Variants in MAF observed in about 807,000 individuals in gnomAD.
MAF encodes the protein transcription factor Maf.
MAF carries 10 observed loss-of-function variants against 22.0 expected under a neutral mutation model. The observed-to-expected ratio is 0.45, with a 90% CI of 0.28 to 0.77. The LOEUF (loss-of-function observed/expected upper bound fraction) is 0.77. MAF is among the 30% of genes least tolerant of loss of function. MAF has a pLI of 0.12. For missense variants in MAF, 544 were observed against 548.4 expected, an observed-to-expected ratio of 0.99 and a Z score of 0.08; for synonymous variants, 337 against 255.8, an observed-to-expected ratio of 1.32 and a Z score of -3.03.
the MAF span, among the ~76,000 whole-genome samples, chr16:79,564,006 C>G: frequency 7.9e-5 from 12 of 152,220 alleles, no homozygotes; most frequent in Admixed American, 6.5e-5. Flanking sequence ...GTTCATAATT[C>G]CACGTATTTC....
chr16:79,436,106 A>T, the MAF span, among the ~76,000 whole-genome samples: 1 of 152,232 alleles, frequency 6.6e-6, no homozygotes, highest in Non-Finnish European at 1.5e-5. Flanking sequence ...TATTTGAAAC[A>T]GAGTCTAGCT....
At chr16:79,221,782 T>C in the MAF span, among the ~76,000 whole-genome samples, 3 of 152,284 alleles carry the variant, frequency 2.0e-5, no homozygotes, top group African/African-American at 7.2e-5. Context: ...CATGTATGTG[T>C]AGATATCAGG....
the MAF span, among the ~76,000 whole-genome samples, chr16:79,420,736 A>G: frequency 8.5e-5 from 13 of 152,204 alleles, no homozygotes; most frequent in African/African-American, 3.1e-4. Flanking sequence ...GCAGTACAAT[A>G]AGATATTTTG....
the MAF span, among the ~76,000 whole-genome samples, chr16:79,238,499 A>G: frequency 1.3e-5 from 2 of 152,042 alleles, no homozygotes; most frequent in Admixed American, 6.6e-5. Context: ...CCTTGTGCCA[A>G]AACATAACAC....
At chr16:79,566,045 G>T in the MAF span, among the ~76,000 whole-genome samples, 1 of 152,150 alleles carries the variant, frequency 6.6e-6, no homozygotes, top group Non-Finnish European at 1.5e-5. Context: ...TGGCTCTTAG[G>T]TCTAGGTTTG....
chr16:79,470,394 C>T, the MAF span, among the ~76,000 whole-genome samples: 6 of 152,204 alleles, frequency 3.9e-5, no homozygotes, highest in Admixed American at 6.5e-5. Context: ...CCCAGGGGAC[C>T]AGGATGGCAA....
chr16:79,475,973 T>A, the MAF span, among the ~76,000 whole-genome samples: 2 of 152,164 alleles, frequency 1.3e-5, no homozygotes, highest in African/African-American at 2.4e-5. Flanking sequence ...GCAGGGATAT[T>A]TTTCAAATGT....
At chr16:79,359,106 G>A in the MAF span, among the ~76,000 whole-genome samples, 69,878 of 152,070 alleles carry the variant, frequency 0.46, 16,365 homozygotes, top group South Asian at 0.6. Flanking sequence ...CATGGGTTTG[G>A]AACTATAACA....
the MAF span, among the ~76,000 whole-genome samples, chr16:79,437,022 A>C: frequency 6.6e-6 from 1 of 152,206 alleles, no homozygotes; most frequent in African/African-American, 2.4e-5. Context: ...CAGGGCTTTC[A>C]GAAGTAGTTT....
chr16:79,308,746 C>T, the MAF span, among the ~76,000 whole-genome samples: 67 of 152,244 alleles, frequency 4.4e-4, no homozygotes, highest in African/African-American at 1.6e-3. Flanking sequence ...ATCAACTTTC[C>T]CACAGTTGCA....
chr16:79,473,331 A>G, the MAF span, among the ~76,000 whole-genome samples: 1 of 152,304 alleles, frequency 6.6e-6, no homozygotes, highest in East Asian at 1.9e-4. Context: ...GGCATTTAAT[A>G]TAACAATGAT....
the MAF span, among the ~76,000 whole-genome samples, chr16:79,243,335 A>G: frequency 2.6e-5 from 4 of 151,830 alleles, no homozygotes; most frequent in Non-Finnish European, 5.9e-5. Context: ...GATTAATTTA[A>G]AAAAGAGAGA....
At chr16:79,456,532 A>C in the MAF span, among the ~76,000 whole-genome samples, 1 of 152,316 alleles carries the variant, frequency 6.6e-6, no homozygotes, top group East Asian at 1.9e-4. Flanking sequence ...TTGCTGAATG[A>C]GCATAGATTA....
chr16:79,446,145 C>G, the MAF span, among the ~76,000 whole-genome samples: 2 of 152,142 alleles, frequency 1.3e-5, no homozygotes, highest in Non-Finnish European at 2.9e-5. Flanking sequence ...GTTATTTTAT[C>G]TCATTTTCAT....
the MAF span, among the ~76,000 whole-genome samples, chr16:79,332,718 C>A: frequency 6.6e-6 from 1 of 152,236 alleles, no homozygotes; most frequent in African/African-American, 2.4e-5. Flanking sequence ...TATTACAAGT[C>A]TCCTTTGATG....
the MAF span, among the ~76,000 whole-genome samples, chr16:79,256,526 C>G: frequency 6.6e-6 from 1 of 152,154 alleles, no homozygotes; most frequent in Non-Finnish European, 1.5e-5. Flanking sequence ...CCAAAAAATT[C>G]AGGTGACCAC....
chr16:79,542,215 G>T, the MAF span, among the ~76,000 whole-genome samples: 1 of 152,166 alleles, frequency 6.6e-6, no homozygotes, highest in Admixed American at 6.5e-5. Flanking sequence ...GGGAACTTTG[G>T]AAGGAGGAGG....
At chr16:79,408,078 CAAAAAAAA>C in the MAF span, among the ~76,000 whole-genome samples, 14 of 81,556 alleles carry the variant, frequency 1.7e-4, no homozygotes, top group East Asian at 4.7e-4. Flanking sequence ...TTTTACCTTT[CAAAAAAAA>C]AAAAAAAAAA....
the MAF span, among the ~76,000 whole-genome samples, chr16:79,289,854 A>ATTTT: frequency 1.7e-3 from 97 of 55,638 alleles, 4 homozygotes; most frequent in East Asian, 4.4e-3. Context: ...TTGTTTGTGT[A>ATTTT]TTTTTTTTTT....
Sources: allele counts gnomAD v4.1 joint callset (sites outside exome capture counted in the v4.1 genomes callset), GRCh38; gene constraint gnomAD v4.1.1; transcripts MANE v1.5; gene names NCBI Gene and HGNC (gene_info 2026-07-23, HGNC 2026-07-21).